COL6A3: variants seen among roughly 807,000 people sequenced by gnomAD.
The protein encoded by COL6A3 is collagen alpha-3(VI) chain.
In COL6A3, 137 loss-of-function variants were observed where a neutral mutation model predicts 274.1. The ratio of observed to expected loss-of-function variants is 0.50; its 90% CI spans 0.44 to 0.58. The LOEUF is 0.58. Among genes scored for constraint, COL6A3 ranks in the 20% least tolerant of loss-of-function variants. COL6A3 has a pLI of 0.00. For synonymous variants in COL6A3, 1,650 were observed against 1,650.6 expected, an observed-to-expected ratio of 1.00 and a Z score of 0.01; for missense variants, 3,950 against 4,124.9, an observed-to-expected ratio of 0.96 and a Z score of 1.16.
At chr2:237,342,213 T>A in intron 36 of COL6A3, 52 bp from the exon 37 acceptor site, 1 of 1,385,750 alleles carries the variant, frequency 7.2e-7, no homozygotes, top group Non-Finnish European at 1.0e-6. Context: ...ATCAGTAATA[T>A]CTGAAAATAT....
intron 4 of COL6A3, chr2:237,386,393 A>G (rs548174498): frequency 6.6e-6 from 1 of 152,320 alleles, no homozygotes; most frequent in Admixed American, 6.5e-5. Context: ...TCAAAGGAAA[A>G]CCTCCCTTGA....
intron 29 of COL6A3, 96 bp downstream of exon 29, chr2:237,348,517 T>A: frequency 7.1e-7 from 1 of 1,402,658 alleles, no homozygotes; most frequent in Non-Finnish European, 1.0e-6. Flanking sequence ...AGACAATTTT[T>A]AAAGAAATAA....
At chr2:237,356,758 G>C (rs1317052796) in intron 23 of COL6A3, 1 of 161,828 alleles carries the variant, frequency 6.2e-6, no homozygotes, top group Non-Finnish European at 1.4e-5. Context: ...GAAGCTTTTG[G>C]TTGGCTTCAG....
intron 1 of COL6A3, among the ~76,000 whole-genome samples, chr2:237,403,061 A>G (rs1010402014): frequency 2.0e-5 from 3 of 152,204 alleles, no homozygotes; most frequent in Non-Finnish European, 4.4e-5. Flanking sequence ...CAGATGGACC[A>G]CTTAGCAAAG....
At chr2:237,388,930 T>A (rs2078221030) in intron 3 of COL6A3, among the ~76,000 whole-genome samples, 1 of 152,258 alleles carries the variant, frequency 6.6e-6, no homozygotes, top group African/African-American at 2.4e-5. Flanking sequence ...TTTGTTCATT[T>A]ATTTTGTCAT....
At chr2:237,376,061 A>C (rs909129919) in intron 7 of COL6A3, among the ~76,000 whole-genome samples, 6 of 152,172 alleles carry the variant, frequency 3.9e-5, no homozygotes, top group Non-Finnish European at 5.9e-5. Context: ...GGGAGGTTTC[A>C]ATTGAGTTGC....
At chr2:237,411,937 C>G (rs562188711) in intron 1 of COL6A3, among the ~76,000 whole-genome samples, 4 of 152,222 alleles carry the variant, frequency 2.6e-5, no homozygotes, top group African/African-American at 7.2e-5. Context: ...GGTGCTGTAG[C>G]CACACCCTCC....
At chr2:237,328,279 G>A (rs1384310138) in intron 42 of COL6A3, 2 of 152,168 alleles carry the variant, frequency 1.3e-5, no homozygotes, top group African/African-American at 2.4e-5. Flanking sequence ...GAGAGGAAAT[G>A]GAGGCAAGCA....
rs941292818 is a variant in COL6A3 at position 237,399,917 on chromosome 2, G to A, written c.-30-3070C>T. On this transcript the variant is annotated intron_variant, in intron 1 of 43. Coordinates refer to ENST00000295550, the MANE Select transcript of COL6A3 (RefSeq NM_004369.4). ...AGTGAGAGAATTAGAATGGGTAGACGACTGACATTTCCCCGGAGAAGCCCA... is the reference window on the plus strand; with the variant it reads ...AGTGAGAGAATTAGAATGGGTAGACAACTGACATTTCCCCGGAGAAGCCCA... 1.1e-4 allele frequency among the ~76,000 whole-genome samples: 16 copies of A among 152,200 alleles called. 1 individual carries two copies. The highest frequency in any genetic ancestry group is 3.1e-4 in the African/African-American group (13 of 41,456).
chr2:237,371,090 A>C lies in COL6A3; in HGVS notation c.4285+642T>G, dbSNP rs997202545. 6.6e-6 allele frequency among the ~76,000 whole-genome samples: 1 copy of C among 152,186 alleles called. No homozygotes were observed. The highest frequency in any genetic ancestry group is 1.5e-5 in the Non-Finnish European group (1 of 68,036). ...GCTACAGAATCACCTCCACGTCTTG[A>C]CAACATCCAATCCAGGCCACAGTTC... On this transcript the variant is annotated intron_variant, in intron 9 of 43. Transcript: ENST00000295550. This position sits in a 1 kb window ranked among gnomAD's most constrained non-coding sequence, Gnocchi z 4.3.
rs976169084 is a variant in COL6A3 at position 237,364,931 on chromosome 2, G to A, written c.5839-503C>T. Among the ~76,000 whole-genome samples the A allele has an allele frequency of 2.0e-5, 3 of 151,458 alleles. No homozygotes were observed. Among genetic ancestry groups the A allele is most frequent in the Non-Finnish European group, 2.9e-5 (2 of 67,908 alleles). ...GGTGCATGTCTGTGGGTGTGTGTGCGTGTGTGCATGTGTGCATGTGTTATG... is the reference window on the plus strand; with the variant it reads ...GGTGCATGTCTGTGGGTGTGTGTGCATGTGTGCATGTGTGCATGTGTTATG... On this transcript the variant is annotated intron_variant, in intron 12 of 43. Coordinates refer to ENST00000295550, the MANE Select transcript of COL6A3 (RefSeq NM_004369.4). This position sits in a 1 kb window ranked among gnomAD's most constrained non-coding sequence, Gnocchi z 4.6.
chr2:237,360,416 C>G (rs1268361689), intron 16 of COL6A3, among the ~76,000 whole-genome samples: 1 of 151,924 alleles, frequency 6.6e-6, no homozygotes, highest in Non-Finnish European at 1.5e-5. Context: ...CCCTGTGGGG[C>G]AAGGGTGGGT....
chr2:237,361,314 G>A lies in COL6A3; in HGVS notation c.6157-140C>T, dbSNP rs2077432323. 4 of 758,786 alleles carry A rather than the reference G, an allele frequency of 5.3e-6. No individual in the cohort carries two copies. In the Admixed American group the frequency reaches 8.0e-5, roughly 15 times the overall value. 47.0% of individuals were successfully genotyped at this position (758,786 alleles called of 1,614,324 possible). ...TTCCCTGTTACTGCTTTTCCCCTCA[G>A]TACACCATGTCACGATTCTCTCTAT... On this transcript the variant is annotated intron_variant, in intron 15 of 43. Coordinates refer to ENST00000295550, the MANE Select transcript of COL6A3 (RefSeq NM_004369.4). This position sits in a 1 kb window ranked among gnomAD's most constrained non-coding sequence, Gnocchi z 5.1.
chr2:237,357,055 G>T, intron 23 of COL6A3: 1 of 524,590 alleles, frequency 1.9e-6, no homozygotes. Flanking sequence ...TAAATATTTA[G>T]TTGGATCAAA....
intron 1 of COL6A3, 146 bp from the exon 2 acceptor site, chr2:237,396,993 A>T: frequency 1.6e-6 from 1 of 636,842 alleles, no homozygotes; most frequent in Non-Finnish European, 2.8e-6. Flanking sequence ...CAGCAAAAGG[A>T]TGGATGATAG....
At chr2:237,355,048 C>T (rs976790833) in intron 23 of COL6A3, 114 bp from the exon 24 acceptor site, 15 of 974,076 alleles carry the variant, frequency 1.5e-5, no homozygotes, top group African/African-American at 1.5e-4. Context: ...GGGGAATCTT[C>T]CCAAGCACCC....
rs1413329161 is a variant in COL6A3, at chr2:237,354,912, G to A, written c.6614C>T (p.Pro2205Leu). 2 of 1,613,798 alleles carry A rather than the reference G, an allele frequency of 1.2e-6. No homozygotes were observed. Among genetic ancestry groups the A allele is most frequent in the Non-Finnish European group, 1.7e-6 (2 of 1,179,892 alleles). The change falls in exon 24 of 44, where the codon CCC becomes CTC. Residue 2205 changes from proline to leucine, a missense_variant. By Grantham distance (98) the Pro-to-Leu change is moderately conservative. Transcript: ENST00000295550. ...GKNGGFGRRG[P>L]PGAKGNKGGP... is the part of the protein sequence containing the mutation. Reference sequence around the variant, plus strand: ...CATGAGGCTCACCTTAGCTCCGGGGGGTCCCCTTCGGCCAAAGCCACCCTG... The same window carrying A: ...CATGAGGCTCACCTTAGCTCCGGGGAGTCCCCTTCGGCCAAAGCCACCCTG...
intron 36 of COL6A3, chr2:237,343,765 C>A: frequency 5.9e-6 from 1 of 168,890 alleles, no homozygotes; most frequent in Non-Finnish European, 1.3e-5. Flanking sequence ...GGATATTCAC[C>A]TTCAGGGCCG....
At chr2:237,357,311 G>T (rs779695071) in intron 23 of COL6A3, 27 bp downstream of exon 23, 2 of 1,607,640 alleles carry the variant, frequency 1.2e-6, no homozygotes, top group South Asian at 1.1e-5. Flanking sequence ...TTGTCACAGA[G>T]CCCCCCAAAG....
Sources: gnomAD v4.1 joint callset for allele counts (sites outside exome capture counted in the v4.1 genomes callset) on GRCh38, gnomAD v4.1.1 for gene constraint, Gnocchi (gnomAD v3.1) non-coding constraint, MANE v1.5 for transcripts, NCBI Gene and HGNC (gene_info 2026-07-23, HGNC 2026-07-21) for gene names.